The following KDM5B variants were observed in gnomAD, a reference collection of about 807,000 sequenced individuals.
The protein encoded by KDM5B is lysine-specific demethylase 5B.
A neutral mutation model predicts 193.4 loss-of-function variants in KDM5B; 144 were observed. That is an observed-to-expected ratio of 0.74 (90% CI 0.65 to 0.86). The LOEUF (loss-of-function observed/expected upper bound fraction) is 0.86, where lower values mean the gene tolerates loss of function less well. Ranked by LOEUF, KDM5B falls within the 40% of genes least tolerant of loss-of-function variation. The pLI is 0.00. For missense variants in KDM5B, 1,833 were observed against 1,886.9 expected (o/e 0.97, Z 0.53); for synonymous variants, 668 against 682.6 (o/e 0.98, Z 0.33).
chr1:202,732,041 G>GAA, intron 23 of KDM5B, 102 bp from the exon 24 acceptor site: 14 of 547,994 alleles, frequency 2.6e-5, no homozygotes, highest in Middle Eastern at 3.7e-4. Context: ...GGCAACCAGG[G>GAA]GAAAAAAAAA....
chr1:202,770,688 A>G (rs1235057062), intron 4 of KDM5B, among the ~76,000 whole-genome samples: 1 of 152,244 alleles, frequency 6.6e-6, no homozygotes, highest in Non-Finnish European at 1.5e-5. Flanking sequence ...TGATTAGTAA[A>G]AAAACCTAAG....
intron 4 of KDM5B, chr1:202,767,567 C>T (rs1656525079): frequency 3.3e-6 from 2 of 604,280 alleles, no homozygotes; most frequent in Non-Finnish European, 6.0e-6. Flanking sequence ...GAGAGTTTCA[C>T]TGGATTTTTG....
In KDM5B at chr1:202,735,613, T is replaced by C. The variant is rs767363819; in HGVS notation, c.3265-26A>G. 4 of 1,602,702 alleles carry C rather than the reference T, an allele frequency of 2.5e-6. No homozygotes were observed. The South Asian group carries it at 3.3e-5, about 13-fold the overall frequency. ...CTAATGTGGGACAAGGCACAACCAA[T>C]GGTAAAATAAATTTCAGATAAAGCA... On this transcript the variant is annotated intron_variant, in intron 21 of 26. Coordinates refer to ENST00000367265, the MANE Select transcript of KDM5B (RefSeq NM_006618.5).
At chr1:202,775,493 T>C (rs1656904320) in intron 2 of KDM5B, among the ~76,000 whole-genome samples, 1 of 151,562 alleles carries the variant, frequency 6.6e-6, no homozygotes, top group African/African-American at 2.4e-5. Context: ...GCAAAGATCA[T>C]GCTACTGCAC....
intron 3 of KDM5B, among the ~76,000 whole-genome samples, chr1:202,773,559 G>A (rs1284314722): frequency 6.6e-6 from 1 of 152,112 alleles, no homozygotes; most frequent in Non-Finnish European, 1.5e-5. Flanking sequence ...CATGTGGAAA[G>A]AACCAGGTTA....
chr1:202,766,682 T>G (rs567614522), intron 5 of KDM5B, among the ~76,000 whole-genome samples: 1 of 152,286 alleles, frequency 6.6e-6, no homozygotes, highest in African/African-American at 2.4e-5. Flanking sequence ...TTCTAAGGCC[T>G]TGACTGGTAA....
chr1:202,731,273 C>T (rs941551156), intron 24 of KDM5B, among the ~76,000 whole-genome samples: 3 of 152,242 alleles, frequency 2.0e-5, no homozygotes, highest in African/African-American at 7.2e-5. Context: ...CCTAAGTCTT[C>T]TGATTACTAG....
chr1:202,808,399 G>C lies in KDM5B; in HGVS notation c.-94C>G, dbSNP rs1019475141. ...CGAGACCCGTGCAGACGCGGCTCGAGCAACAGCAAGTCCGAGTTGTACGGG... is the reference window on the plus strand; with the variant it reads ...CGAGACCCGTGCAGACGCGGCTCGACCAACAGCAAGTCCGAGTTGTACGGG... On this transcript the variant is annotated 5_prime_UTR_variant, in exon 1 of 27. Coordinates refer to ENST00000367265, the MANE Select transcript of KDM5B (RefSeq NM_006618.5). 2 of 1,166,104 alleles carry C rather than the reference G, an allele frequency of 1.7e-6. No homozygotes were observed. The highest frequency in any genetic ancestry group is 5.6e-5 in the Admixed American group (2 of 35,640). The allele number at this position is 1,166,104 out of a possible 1,614,324, so 72.2% of individuals were successfully genotyped here. A position where few individuals can be genotyped will look rare whatever the true frequency, so the allele number is the denominator to read the frequency against.
At chr1:202,802,532 G>C (rs1468104128) in intron 1 of KDM5B, among the ~76,000 whole-genome samples, 1 of 151,936 alleles carries the variant, frequency 6.6e-6, no homozygotes, top group African/African-American at 2.4e-5. Flanking sequence ...AGCTGGGATT[G>C]CAGGCGCCTG....
At chr1:202,795,902 T>C (rs1290950079) in intron 1 of KDM5B, 2 of 152,116 alleles carry the variant, frequency 1.3e-5, no homozygotes, top group Admixed American at 6.6e-5. Flanking sequence ...TGTTGGTAAA[T>C]AATAAAATAT....
rs772744052 is a variant in KDM5B at position 202,766,302 on chromosome 1, G to A, written c.711+624C>T. On this transcript the variant is annotated intron_variant, in intron 5 of 26. Coordinates refer to ENST00000367265, the MANE Select transcript of KDM5B (RefSeq NM_006618.5). The stretch of plus-strand genomic sequence containing the variant: ...GGGTGGATCACGAGGTCAGGAGATC[G>A]AGACCATCCTGGCTAACACGGTGAA... 335 of 265,674 alleles carry A rather than the reference G, an allele frequency of 1.3e-3. 4 individuals are homozygous for A. Among genetic ancestry groups the A allele is most frequent in the South Asian group, 5.6e-3 (169 of 30,004 alleles). 16.5% of individuals were successfully genotyped at this position (265,674 alleles called of 1,614,324 possible). A position where few individuals can be genotyped will look rare whatever the true frequency, so the allele number is the denominator to read the frequency against.
At chr1:202,743,838 TAACTC>T (rs1172639536) in intron 16 of KDM5B, among the ~76,000 whole-genome samples, 2 of 152,078 alleles carry the variant, frequency 1.3e-5, no homozygotes, top group African/African-American at 2.4e-5. Context: ...ATACAAAAAT[TAACTC>T]AAGAGGAATG....
In KDM5B at chr1:202,728,937, G is replaced by A. The variant is rs2102205201; in HGVS notation, c.*99C>T. The A allele has an allele frequency of 4.3e-6, 6 of 1,395,112 alleles. No individual in the cohort carries two copies. In the East Asian group the frequency reaches 1.4e-4, roughly 32 times the overall value. 86.4% of individuals were successfully genotyped at this position (1,395,112 alleles called of 1,614,324 possible). On this transcript the variant is annotated 3_prime_UTR_variant, in exon 27 of 27. Transcript: ENST00000367265. ...TAGAAATAGCACCGTTTACAGGCTGGCTTGAGTACCAGTCCTGTAGCTTTG... is the reference window on the plus strand; with the variant it reads ...TAGAAATAGCACCGTTTACAGGCTGACTTGAGTACCAGTCCTGTAGCTTTG...
rs538051852 is a variant in KDM5B at position 202,733,827 on chromosome 1, G to C, written c.3483C>G (p.Leu1161=). 1 of 1,614,054 alleles carries C rather than the reference G, an allele frequency of 6.2e-7. No individual in the cohort carries two copies. The highest frequency in any genetic ancestry group is 1.3e-5 in the African/African-American group (1 of 75,014). The part of the protein sequence containing the change: ...REMEALQSLR[L]ANEGKLLSPL... Reference sequence around the variant, plus strand: ...GCGACAGCAATTTCCCTTCATTGGCGAGTCTGAGAGACTGCAAGGCTTCCA... The same window carrying C: ...GCGACAGCAATTTCCCTTCATTGGCCAGTCTGAGAGACTGCAAGGCTTCCA... Residue 1161 remains leucine, a synonymous_variant, in exon 23 of 27, where the codon CTC becomes CTG. Coordinates refer to ENST00000367265, the MANE Select transcript of KDM5B (RefSeq NM_006618.5).
chr1:202,742,971 G>A (rs1353322736), intron 16 of KDM5B, among the ~76,000 whole-genome samples, 166 bp from the exon 17 acceptor site: 2 of 152,094 alleles, frequency 1.3e-5, no homozygotes, highest in Non-Finnish European at 2.9e-5. Context: ...ATTTTTGCAG[G>A]GTGGTGGCTG....
Position 202,760,294 on chromosome 1 carries a change from C to A in KDM5B, c.1077+121G>T, listed in dbSNP as rs1656196563. On this transcript the variant is annotated intron_variant, in intron 8 of 26. Transcript: ENST00000367265. ...TTGTGCCACTGCACTCCAGCCTGGG[C>A]AACAAAGTGAGTCCTTGTCTAAAAA... is the stretch of plus-strand genomic sequence containing the variant. 2.3e-5 allele frequency: 16 copies of A among 684,218 alleles called. No homozygotes were observed. The Admixed American group carries it at 5.7e-4, about 24-fold the overall frequency. The allele number at this position is 684,218 out of a possible 1,614,324, so 42.4% of individuals were successfully genotyped here. A position where few individuals can be genotyped will look rare whatever the true frequency, so the allele number is the denominator to read the frequency against.
Position 202,729,761 on chromosome 1 carries a change from C to T in KDM5B, c.4443G>A (p.Glu1481=), listed in dbSNP as rs1558477128. 1 of 1,614,160 alleles carries T rather than the reference C, an allele frequency of 6.2e-7. No individual in the cohort carries two copies. The highest frequency in any genetic ancestry group is 8.5e-7 in the Non-Finnish European group (1 of 1,179,990). Residue 1481 remains glutamate (E), a synonymous_variant, in exon 26 of 27, where the codon GAG becomes GAA. Coordinates refer to ENST00000367265, the MANE Select transcript of KDM5B (RefSeq NM_006618.5). The part of the protein sequence containing the change: ...DTSYSEQEDS[E]DEDAICPAVS... ...CAGCTGGGCAGATGGCATCTTCATC[C>T]TCAGAGTCTTCCTGTTCGGAATAGG...
Position 202,746,316 on chromosome 1 carries a change from A to G in KDM5B, c.2024T>C (p.Ile675Thr), listed in dbSNP as rs1479441551. Reference protein sequence around the residue: ...LRETVRKLGVIDSERMDFELL... With the variant: ...LRETVRKLGVTDSERMDFELL... ...CTCAAAATCCATTCTTTCCGAATCA[A>G]TCACTCCCTAGAATAAAGTATACTT... Residue 675 changes from isoleucine to threonine, a missense_variant, in exon 15 of 27, where the codon ATT becomes ACT. Ile to Thr is a moderately conservative substitution (Grantham distance 89). Transcript: ENST00000367265. 17 of 1,604,818 alleles carry G rather than the reference A, an allele frequency of 1.1e-5. No homozygotes were observed. The highest frequency in any genetic ancestry group is 1.4e-5 in the Non-Finnish European group (16 of 1,175,408).
chr1:202,731,969 A>C lies in KDM5B; in HGVS notation c.3910-30T>G, dbSNP rs111793412. 5,939 of 1,472,576 alleles carry C rather than the reference A, an allele frequency of 4.0e-3. 167 individuals carry two copies. In the African/African-American group the frequency reaches 0.068, roughly 17 times the overall value. 91.2% of individuals were successfully genotyped at this position (1,472,576 alleles called of 1,614,324 possible). On this transcript the variant is annotated intron_variant, in intron 23 of 26. Coordinates refer to ENST00000367265, the MANE Select transcript of KDM5B (RefSeq NM_006618.5). ...TGGAGGGAAAACGTTTTATAATAAA[A>C]TCTCTTCAGGATTAAAAATACTCCC...
Sources: gnomAD v4.1 joint callset for allele counts (sites outside exome capture counted in the v4.1 genomes callset) on GRCh38, gnomAD v4.1.1 for gene constraint, MANE v1.5 for transcripts, NCBI Gene and HGNC (gene_info 2026-07-23, HGNC 2026-07-21) for gene names.